Variants in COQ2 observed in about 807,000 individuals in gnomAD.
COQ2 encodes 4-hydroxybenzoate polyprenyltransferase, mitochondrial.
In COQ2, 25 loss-of-function variants were observed where a neutral mutation model predicts 35.7. The observed-to-expected ratio is 0.70, with a 90% CI of 0.51 to 0.98. COQ2 has a LOEUF of 0.98. Ranked by LOEUF, COQ2 falls within the 50% of genes least tolerant of loss-of-function variation. The probability of loss-of-function intolerance (pLI) is 0.00; values close to 1 mark genes in which losing one functional copy is unlikely to be tolerated. For synonymous variants in COQ2, 206 were observed against 186.2 expected (o/e 1.11, Z -0.86); for missense variants, 488 against 473.5 (o/e 1.03, Z -0.28).
chr4:83,270,001 T>C lies in COQ2; in HGVS notation c.629-8A>G. The stretch of plus-strand genomic sequence containing the variant: ...CCCAATTAAATGTCAAGCCTACAAT[T>C]AGCAAAACACAAAAAGGGGGAAAGT... On this transcript the variant is annotated splice_region_variant and splice_polypyrimidine_tract_variant and intron_variant, in intron 4 of 6. Coordinates refer to ENST00000647002, the MANE Select transcript of COQ2 (RefSeq NM_001358921.2). 1 of 1,612,788 alleles carries C rather than the reference T, an allele frequency of 6.2e-7. No individual in the cohort carries two copies. Among genetic ancestry groups the C allele is most frequent in the South Asian group, 1.1e-5 (1 of 90,848 alleles).
intron 2 of COQ2, among the ~76,000 whole-genome samples, chr4:83,276,246 G>C (rs1735180047): frequency 6.6e-6 from 1 of 151,450 alleles, no homozygotes; most frequent in Non-Finnish European, 1.5e-5. Context: ...TTTTTAATGG[G>C]GTTATTTTTT....
chr4:83,277,596 T>C (rs974212358), intron 2 of COQ2, among the ~76,000 whole-genome samples: 1 of 152,218 alleles, frequency 6.6e-6, no homozygotes, highest in African/African-American at 2.4e-5. Flanking sequence ...TCAGGAATGT[T>C]GTATTTCATC....
At chr4:83,282,498 CTATT>C (rs761990939) in intron 1 of COQ2, 84 of 275,728 alleles carry the variant, frequency 3.0e-4, no homozygotes, top group African/African-American at 1.8e-3. Context: ...TAACATAGTA[CTATT>C]TAGTTTTCTG....
At chr4:83,270,046 C>G (rs887578141) in intron 4 of COQ2, 53 bp from the exon 5 acceptor site, 1 of 1,591,030 alleles carries the variant, frequency 6.3e-7, no homozygotes, top group African/African-American at 1.4e-5. Flanking sequence ...CTTTAGAATC[C>G]TAAAGGGAAG....
In COQ2 at chr4:83,264,052, T is replaced by C. The variant is rs961347702; in HGVS notation, c.*147A>G. ...TTTCTGTGACAAGGGGGAATTTTGC[T>C]AGCAAATAAGTAAAATCCAGGTAAA... is the stretch of plus-strand genomic sequence containing the variant. On this transcript the variant is annotated 3_prime_UTR_variant, in exon 7 of 7. Transcript: ENST00000647002. The C allele has an allele frequency of 1.6e-5, 9 of 576,786 alleles. No homozygotes were observed. Among genetic ancestry groups the C allele is most frequent in the Non-Finnish European group, 2.5e-5 (9 of 358,074 alleles). 35.7% of individuals were successfully genotyped at this position (576,786 alleles called of 1,614,324 possible). A position where few individuals can be genotyped will look rare whatever the true frequency, so the allele number is the denominator to read the frequency against.
At position 83,263,974 on chromosome 4, in the gene COQ2, G is replaced by T. The variant is rs1734850985; in HGVS notation, c.*225C>A. The T allele has an allele frequency of 2.9e-6, 1 of 339,474 alleles. No homozygotes were observed. The highest frequency in any genetic ancestry group is 5.3e-6 in the Non-Finnish European group (1 of 189,884). The allele number at this position is 339,474 out of a possible 1,614,324, so 21.0% of individuals were successfully genotyped here. On this transcript the variant is annotated 3_prime_UTR_variant, in exon 7 of 7. Transcript: ENST00000647002. The stretch of plus-strand genomic sequence containing the variant: ...CAGGTGAGAATTATAATGGGCAGAA[G>T]AATGTATCAACTAAAATACTCAAGG...
intron 6 of COQ2, among the ~76,000 whole-genome samples, chr4:83,266,293 A>G (rs770788925): frequency 6.6e-5 from 10 of 152,140 alleles, no homozygotes; most frequent in Non-Finnish European, 1.2e-4. Context: ...GCCTATACTG[A>G]TAGTAATTGG....
intron 1 of COQ2, chr4:83,282,650 T>G: frequency 2.7e-6 from 1 of 367,070 alleles, no homozygotes; most frequent in Non-Finnish European, 3.8e-6. Context: ...GCACATATTA[T>G]GACAGGCACT....
intron 1 of COQ2, among the ~76,000 whole-genome samples, chr4:83,280,890 G>A (rs1292586443): frequency 6.6e-6 from 1 of 152,222 alleles, no homozygotes; most frequent in East Asian, 1.9e-4. Context: ...GCATCAGGCA[G>A]TGTTCTAAAT....
intron 2 of COQ2, among the ~76,000 whole-genome samples, chr4:83,275,495 A>C (rs539365482): frequency 1.3e-5 from 2 of 151,884 alleles, no homozygotes; most frequent in East Asian, 3.9e-4. Flanking sequence ...CTTCAGTTCC[A>C]AGTCTGGGAT....
At position 83,264,020 on chromosome 4, in the gene COQ2, T is replaced by A. The variant is rs1734851530; in HGVS notation, c.*179A>T. 1 of 477,560 alleles carries A rather than the reference T, an allele frequency of 2.1e-6. No homozygotes were observed. Among genetic ancestry groups the A allele is most frequent in the Non-Finnish European group, 3.6e-6 (1 of 279,506 alleles). 29.6% of individuals were successfully genotyped at this position (477,560 alleles called of 1,614,324 possible). A position where few individuals can be genotyped will look rare whatever the true frequency, so the allele number is the denominator to read the frequency against. On this transcript the variant is annotated 3_prime_UTR_variant, in exon 7 of 7. Coordinates refer to ENST00000647002, the MANE Select transcript of COQ2 (RefSeq NM_001358921.2). ...CAAGGCCATCTCAAATCCTGAAGAG[T>A]CCCTGGTTTCTGTGACAAGGGGGAA...
chr4:83,273,555 A>C lies in COQ2; in HGVS notation c.483T>G (p.Val161=). Residue 161 remains valine (V), a synonymous_variant, in exon 3 of 7, where the codon GTT becomes GTG. Coordinates refer to ENST00000647002, the MANE Select transcript of COQ2 (RefSeq NM_001358921.2). ...AGDISTFQSF[V]FLGGQLTLAL... ...CCAGGGTTAGCTGTCCCCCAAGAAA[A>C]ACAAAGGACTGAAAAGTTGAAATGT... is the stretch of plus-strand genomic sequence containing the variant. 1 of 1,613,896 alleles carries C rather than the reference A, an allele frequency of 6.2e-7. No individual in the cohort carries two copies. The highest frequency in any genetic ancestry group is 8.5e-7 in the Non-Finnish European group (1 of 1,179,806).
rs1735413575 is a variant in COQ2, at chr4:83,284,596, T to G, written c.169A>C (p.Ser57Arg). Residue 57 changes from serine to arginine, a missense_variant, in exon 1 of 7, where the codon AGT (serine) becomes CGT (arginine). Transcript: ENST00000647002. The part of the protein sequence containing the change: ...ACPEPRGRQL[S>R]LSAAAVVDSA... ...TCCACCACCGCCGCCGCGGACAAAC[T>G]GAGCTGGCGCCCGCGCGGCTCGGGA... is the stretch of plus-strand genomic sequence containing the variant. 3 of 1,539,426 alleles carry G rather than the reference T, an allele frequency of 1.9e-6. No homozygotes were observed. Among genetic ancestry groups the G allele is most frequent in the African/African-American group, 2.8e-5 (2 of 70,344 alleles).
intron 2 of COQ2, 32 bp downstream of exon 2, chr4:83,278,916 A>G: frequency 2.0e-6 from 3 of 1,533,062 alleles, no homozygotes; most frequent in Non-Finnish European, 2.6e-6. Flanking sequence ...AATTGAGAAG[A>G]GCCTCTCTAT....
intron 1 of COQ2, 94 bp from the exon 2 acceptor site, chr4:83,279,208 A>G: frequency 2.9e-6 from 4 of 1,366,220 alleles, no homozygotes; most frequent in South Asian, 1.7e-5. Flanking sequence ...AATAAAGAAC[A>G]CTATAAGTCA....
chr4:83,273,642 T>C (rs1577987101), intron 2 of COQ2, 25 bp from the exon 3 acceptor site: 2 of 1,606,946 alleles, frequency 1.2e-6, no homozygotes, highest in Non-Finnish European at 8.5e-7. Context: ...ACAGATACCT[T>C]AGCTTCATGT....
At chr4:83,274,259 T>C (rs1342188887) in intron 2 of COQ2, among the ~76,000 whole-genome samples, 1 of 152,170 alleles carries the variant, frequency 6.6e-6, no homozygotes, top group Non-Finnish European at 1.5e-5. Context: ...AGTGGCACAA[T>C]CTCAGCTCAC....
chr4:83,276,229 T>TTTTTTGG (rs1735179527), intron 2 of COQ2, among the ~76,000 whole-genome samples: 1 of 151,846 alleles, frequency 6.6e-6, no homozygotes, highest in Non-Finnish European at 1.5e-5. Flanking sequence ...TCATGTGCGT[T>TTTTTTGG]GCCTACTTTT....
At chr4:83,267,853 TTTAGTG>T (rs1171181431) in intron 5 of COQ2, 79 bp from the exon 6 acceptor site, 2 of 1,173,408 alleles carry the variant, frequency 1.7e-6, no homozygotes, top group Non-Finnish European at 2.3e-6. Context: ...AAGTATCAGA[TTTAGTG>T]TTTTTTTGTA....
Sources: allele counts gnomAD v4.1 joint callset (sites outside exome capture counted in the v4.1 genomes callset), GRCh38; gene constraint gnomAD v4.1.1; transcripts MANE v1.5; gene names NCBI Gene and HGNC (gene_info 2026-07-23, HGNC 2026-07-21).